Variants in ACADM observed in about 807,000 individuals in gnomAD.
ACADM encodes medium-chain specific acyl-CoA dehydrogenase, mitochondrial.
Under a neutral mutation model 58.9 loss-of-function variants are expected in ACADM, and 49 were observed. The observed-to-expected ratio is 0.83, with a 90% confidence interval of 0.66 to 1.06. The LOEUF is 1.06. Ranked by LOEUF, ACADM falls within the 50% of genes least tolerant of loss-of-function variation. ACADM has a pLI of 0.00. For synonymous variants in ACADM, 160 were observed against 157.7 expected (o/e 1.01, Z -0.11); for missense variants, 496 against 507.0 (o/e 0.98, Z 0.21).
intron 8 of ACADM, among the ~76,000 whole-genome samples, chr1:75,747,540 C>G (rs1647965989): frequency 6.6e-6 from 1 of 152,120 alleles, no homozygotes. Context: ...AATCCTAGCA[C>G]TTTGGGAGGT....
rs928727282 is a variant in ACADM, at chr1:75,749,272, A to G, written c.709-147A>G. On this transcript the variant is annotated intron_variant, in intron 8 of 11. Coordinates refer to ENST00000370841, the MANE Select transcript of ACADM (RefSeq NM_000016.6). ...AAATAGGCGTGACTGTATTCCAATC[A>G]GGCTTTCTTTGCAAAACAGGCATTG... The G allele has an allele frequency of 6.7e-6, 5 of 749,780 alleles. No individual in the cohort carries two copies. In the African/African-American group the frequency reaches 7.0e-5, roughly 11 times the overall value. The allele number at this position is 749,780 out of a possible 1,614,324, so 46.4% of individuals were successfully genotyped here. A position where few individuals can be genotyped will look rare whatever the true frequency, so the allele number is the denominator to read the frequency against.
chr1:75,727,758 A>G (rs1369304129), intron 1 of ACADM, among the ~76,000 whole-genome samples: 1 of 152,158 alleles, frequency 6.6e-6, no homozygotes, highest in East Asian at 1.9e-4. Flanking sequence ...TCTCTGTGGT[A>G]ACTACTTAGA....
chr1:75,737,283 T>C (rs1340521699), intron 6 of ACADM, among the ~76,000 whole-genome samples: 1 of 32,588 alleles, frequency 3.1e-5, no homozygotes, highest in Non-Finnish European at 5.3e-5. Flanking sequence ...CACACAAATA[T>C]ATATATATAT....
At chr1:75,747,181 A>C (rs938899832) in intron 8 of ACADM, among the ~76,000 whole-genome samples, 1 of 151,542 alleles carries the variant, frequency 6.6e-6, no homozygotes, top group Non-Finnish European at 1.5e-5. Context: ...ATCTTTAGAA[A>C]GTATAAAGGA....
At chr1:75,729,510 T>G (rs1273403788) in intron 2 of ACADM, among the ~76,000 whole-genome samples, 4 of 113,232 alleles carry the variant, frequency 3.5e-5, no homozygotes, top group African/African-American at 5.5e-5. Context: ...AATTTTCTCT[T>G]TTCTTTTTTT....
rs757821130 is a variant in ACADM, at chr1:75,734,805, T to A, written c.402T>A (p.Ile134=). The A allele has an allele frequency of 1.2e-6, 2 of 1,613,454 alleles. No homozygotes were observed. The highest frequency in any genetic ancestry group is 4.5e-5 in the East Asian group (2 of 44,868). Residue 134 remains isoleucine (I), a synonymous_variant, in exon 6 of 12, where the codon ATT becomes ATA. Transcript: ENST00000370841. ...EGNSLGQMPI[I]IAGNDQQKKK... Reference sequence around the variant, plus strand: ...TTCTTCGGTAGCAAATGCCTATTATTATTGCTGGAAATGATCAACAAAAGA... The same window carrying A: ...TTCTTCGGTAGCAAATGCCTATTATAATTGCTGGAAATGATCAACAAAAGA...
rs17097429 is a variant in ACADM, at chr1:75,750,501, C to G, written c.900C>G (p.Thr300=). The G allele has an allele frequency of 6.2e-7, 1 of 1,612,478 alleles. No individual in the cohort carries two copies. Among genetic ancestry groups the G allele is most frequent in the Admixed American group, 1.7e-5 (1 of 59,998 alleles). Residue 300 remains threonine, a synonymous_variant, in exon 10 of 12, where the codon ACC becomes ACG. Transcript: ENST00000370841. ...GLAQRALDEA[T]KYALERKTFG... ...CACAAAGAGCTTTGGATGAAGCTAC[C>G]AAGTATGCCCTGGAAAGGAAAACTT...
intron 4 of ACADM, chr1:75,733,210 AT>A (rs1647182367): frequency 1.3e-6 from 2 of 1,588,374 alleles, no homozygotes; most frequent in Non-Finnish European, 1.7e-6. Flanking sequence ...TCTATATTAC[AT>A]TTTATTGAGT....
chr1:75,734,856 G>C lies in ACADM; in HGVS notation c.453G>C (p.Glu151Asp). ...AGAAGTATTTGGGGAGAATGACTGA[G>C]GAGCCATTGATGTGTGTGAGTATGT... ...QKKKYLGRMT[E>D]EPLMCAYCVT... Residue 151 changes from glutamate to aspartate, a missense_variant, in exon 6 of 12, where the codon GAG (glutamate) becomes GAC (aspartate). Glu to Asp is a conservative substitution (Grantham distance 45). Coordinates refer to ENST00000370841, the MANE Select transcript of ACADM (RefSeq NM_000016.6). 2 of 1,613,134 alleles carry C rather than the reference G, an allele frequency of 1.2e-6. No homozygotes were observed. The highest frequency in any genetic ancestry group is 1.7e-6 in the Non-Finnish European group (2 of 1,179,202).
chr1:75,735,511 G>C (rs965002068), intron 6 of ACADM, among the ~76,000 whole-genome samples: 27 of 152,050 alleles, frequency 1.8e-4, no homozygotes, highest in Non-Finnish European at 5.9e-5. Flanking sequence ...AGTTCAGATT[G>C]AATGTAGGGC....
chr1:75,730,959 A>ACTCT (rs1441128805), intron 2 of ACADM, among the ~76,000 whole-genome samples: 1 of 152,170 alleles, frequency 6.6e-6, no homozygotes, highest in African/African-American at 2.4e-5. Flanking sequence ...GACTGATACT[A>ACTCT]GAATTTCCTT....
intron 10 of ACADM, among the ~76,000 whole-genome samples, chr1:75,753,959 CTTTT>C (rs34768581): frequency 1.8e-5 from 2 of 114,108 alleles, no homozygotes; most frequent in Admixed American, 9.0e-5. Flanking sequence ...CCATGCTCAG[CTTTT>C]TTTTTTTTTT....
At position 75,750,645 on chromosome 1, in the gene ACADM, T is replaced by C. The variant is rs11161521; in HGVS notation, c.945+99T>C. 0.25 allele frequency: 207,027 copies of C among 822,174 alleles called. 28,148 individuals are homozygous for C. The highest frequency in any genetic ancestry group is 0.29 in the Non-Finnish European group (143,256 of 486,678). The allele number at this position is 822,174 out of a possible 1,614,324, so 50.9% of individuals were successfully genotyped here. On this transcript the variant is annotated intron_variant, in intron 10 of 11. Coordinates refer to ENST00000370841, the MANE Select transcript of ACADM (RefSeq NM_000016.6). ...AAACCACAAACTAATCAATTTCTAC[T>C]TTGATAGCAAGAAGATAATGTGGTT...
At chr1:75,743,243 C>T (rs547888209) in intron 7 of ACADM, among the ~76,000 whole-genome samples, 1 of 152,210 alleles carries the variant, frequency 6.6e-6, no homozygotes, top group South Asian at 2.1e-4. Context: ...GGGAGAGAGC[C>T]AGGCAGGAAC....
intron 4 of ACADM, chr1:75,733,134 T>TTC: frequency 6.2e-7 from 1 of 1,612,866 alleles, no homozygotes; most frequent in Non-Finnish European, 8.5e-7. Flanking sequence ...CAACCTTAAC[T>TTC]TGCACCTAAA....
intron 7 of ACADM, among the ~76,000 whole-genome samples, chr1:75,742,971 C>G (rs1041311067): frequency 3.0e-4 from 46 of 152,210 alleles, no homozygotes; most frequent in Admixed American, 4.6e-4. Context: ...AGAATGTGCA[C>G]AGCCAGGACA....
At chr1:75,733,420 CT>C (rs1647186117) in intron 4 of ACADM, 107 bp from the exon 5 acceptor site, 7 of 1,182,950 alleles carry the variant, frequency 5.9e-6, no homozygotes, top group Non-Finnish European at 8.7e-6. Flanking sequence ...TGCAAATTTC[CT>C]TTTAAAACAA....
chr1:75,758,409 C>A (rs1648628163), intron 10 of ACADM, among the ~76,000 whole-genome samples: 1 of 152,176 alleles, frequency 6.6e-6, no homozygotes, highest in African/African-American at 2.4e-5. Context: ...AAGAGATGTG[C>A]AGGGTAAGGT....
intron 6 of ACADM, among the ~76,000 whole-genome samples, chr1:75,737,317 T>TATATATAC (rs1401138600): frequency 2.6e-5 from 3 of 113,848 alleles, no homozygotes; most frequent in Non-Finnish European, 3.8e-5. Context: ...TATATATATA[T>TATATATAC]ATATATATAT....
Sources: gnomAD v4.1 joint callset for allele counts (sites outside exome capture counted in the v4.1 genomes callset) on GRCh38, gnomAD v4.1.1 for gene constraint, MANE v1.5 for transcripts, NCBI Gene and HGNC (gene_info 2026-07-23, HGNC 2026-07-21) for gene names.